The following ZNF267 variants were observed in gnomAD, a reference collection of about 807,000 sequenced individuals.
ZNF267 encodes the protein zinc finger (C2H2).
Under a neutral mutation model 71.6 loss-of-function variants are expected in ZNF267, and 61 were observed. That is an observed-to-expected ratio of 0.85 (90% CI 0.69 to 1.05). The LOEUF is 1.05. Among genes scored for constraint, ZNF267 ranks in the 50% least tolerant of loss-of-function variants. ZNF267 has a pLI of 0.00. For synonymous variants in ZNF267, 288 were observed against 293.2 expected (o/e 0.98, Z 0.18); for missense variants, 852 against 870.0 (o/e 0.98, Z 0.26).
intron 1 of ZNF267, among the ~76,000 whole-genome samples, chr16:31,879,922 C>T (rs1186322058): frequency 2.6e-5 from 4 of 152,196 alleles, no homozygotes; most frequent in Non-Finnish European, 4.4e-5. Flanking sequence ...CACTTCCCTG[C>T]GCCACCAGCA....
At chr16:31,911,779 T>C (rs1358247073) in intron 3 of ZNF267, 1 of 151,494 alleles carries the variant, frequency 6.6e-6, no homozygotes, top group South Asian at 2.1e-4. Flanking sequence ...TTTTTCTTGG[T>C]GGTATGATTT....
chr16:31,876,466 G>A (rs1394400841), intron 1 of ZNF267, among the ~76,000 whole-genome samples: 2 of 152,134 alleles, frequency 1.3e-5, no homozygotes, highest in African/African-American at 2.4e-5. Flanking sequence ...TGATCCTCCC[G>A]CCTTGGCCTC....
intron 1 of ZNF267, among the ~76,000 whole-genome samples, chr16:31,878,903 C>T (rs2083871272): frequency 6.6e-6 from 1 of 152,152 alleles, no homozygotes; most frequent in Non-Finnish European, 1.5e-5. Flanking sequence ...ATTAGAAATA[C>T]AAGACTTAAT....
intron 3 of ZNF267, chr16:31,894,758 TC>T (rs2142343926): frequency 2.0e-6 from 1 of 493,896 alleles, no homozygotes; most frequent in African/African-American, 2.0e-5. Flanking sequence ...CTTTCTGCTT[TC>T]ATTTTTCAGC....
Position 31,915,421 on chromosome 16 carries a change from G to T in ZNF267, c.1172G>T (p.Arg391Leu), listed in dbSNP as rs756624714. 6.2e-7 allele frequency: 1 copy of T among 1,613,482 alleles called. No homozygotes were observed. Among genetic ancestry groups the T allele is most frequent in the Non-Finnish European group, 8.5e-7 (1 of 1,179,838 alleles). The change falls in exon 4 of 4, where the codon CGT becomes CTT. Residue 391 changes from arginine (R) to leucine (L), a missense_variant. Coordinates refer to ENST00000300870, the MANE Select transcript of ZNF267 (RefSeq NM_003414.6). ...KCKACSKSFT[R>L]SSNLIVHQRI... Reference sequence around the variant, plus strand: ...AAAGCATGTAGCAAATCTTTTACTCGTTCCTCCAATCTTATTGTGCATCAG... The same window carrying T: ...AAAGCATGTAGCAAATCTTTTACTCTTTCCTCCAATCTTATTGTGCATCAG...
chr16:31,916,117 G>T lies in ZNF267; in HGVS notation c.1868G>T (p.Arg623Leu). 2 of 1,613,792 alleles carry T rather than the reference G, an allele frequency of 1.2e-6. No individual in the cohort carries two copies. Among genetic ancestry groups the T allele is most frequent in the Non-Finnish European group, 1.7e-6 (2 of 1,179,938 alleles). The stretch of plus-strand genomic sequence containing the variant: ...TATAGTTCAGATGTTATTCAGCATC[G>T]GAGAATTCATACTGGCCAGAGACCC... Reference protein sequence around the residue: ...FSYSSDVIQHRRIHTGQRPYK... With the variant: ...FSYSSDVIQHLRIHTGQRPYK... The change falls in exon 4 of 4, where the codon CGG becomes CTG. Residue 623 changes from arginine to leucine, a missense_variant. Arg to Leu is a moderately radical substitution (Grantham distance 102, BLOSUM62 -2). Transcript: ENST00000300870.
intron 3 of ZNF267, among the ~76,000 whole-genome samples, chr16:31,911,211 G>T (rs1417434949): frequency 6.6e-6 from 1 of 151,642 alleles, no homozygotes; most frequent in Non-Finnish European, 1.5e-5. Flanking sequence ...TTATAGCACA[G>T]ATTAAGTCTG....
Position 31,906,754 on chromosome 16 carries a change from G to A in ZNF267, c.227-7722G>A, listed in dbSNP as rs1187046639. 2.6e-5 allele frequency among the ~76,000 whole-genome samples: 4 copies of A among 151,864 alleles called. No homozygotes were observed. In the East Asian group the frequency reaches 5.9e-4, roughly 22 times the overall value. The stretch of plus-strand genomic sequence containing the variant: ...GTGAGGCAGTGCCTCACCCTGCTTC[G>A]GCTCACGCACGGTGGGCTGCACCCA... On this transcript the variant is annotated intron_variant, in intron 3 of 3. Transcript: ENST00000300870.
intron 3 of ZNF267, among the ~76,000 whole-genome samples, chr16:31,896,994 C>T (rs1012102982): frequency 6.6e-6 from 1 of 151,764 alleles, no homozygotes; most frequent in East Asian, 1.9e-4. Context: ...TTCTTAGTTA[C>T]GTTCATTGCT....
At chr16:31,889,558 T>C (rs1265874105) in intron 3 of ZNF267, among the ~76,000 whole-genome samples, 1 of 152,242 alleles carries the variant, frequency 6.6e-6, no homozygotes, top group East Asian at 1.9e-4. Context: ...TGTATTAGTC[T>C]ATTCTATAAA....
At chr16:31,883,927 T>A (rs1389718846) in intron 1 of ZNF267, among the ~76,000 whole-genome samples, 2 of 152,212 alleles carry the variant, frequency 1.3e-5, no homozygotes, top group Non-Finnish European at 2.9e-5. Context: ...TAGCCTTAGC[T>A]ACTCAGGAGG....
chr16:31,915,115 A>G lies in ZNF267; in HGVS notation c.866A>G (p.His289Arg), dbSNP rs377087087. The change falls in exon 4 of 4, where the codon CAT (histidine) becomes CGT (arginine). Residue 289 changes from histidine to arginine, a missense_variant. Transcript: ENST00000300870. ...AAACATATTCAACATCAGACCATCC[A>G]TATCAGAGAAAACTCATATAGCTAT... ...SLKHIQHQTI[H>R]IRENSYSYNK... is the part of the protein sequence containing the mutation. The G allele has an allele frequency of 4.3e-6, 7 of 1,613,522 alleles. No individual in the cohort carries two copies. Among genetic ancestry groups the G allele is most frequent in the African/African-American group, 4.0e-5 (3 of 74,920 alleles).
chr16:31,889,028 G>A (rs886423443), intron 3 of ZNF267, among the ~76,000 whole-genome samples: 5 of 151,468 alleles, frequency 3.3e-5, no homozygotes, highest in Admixed American at 2.6e-4. Flanking sequence ...ACAGTGTGGT[G>A]TTCTTTCTAA....
intron 3 of ZNF267, chr16:31,912,736 A>G (rs985391826): frequency 6.6e-6 from 1 of 151,634 alleles, no homozygotes; most frequent in Non-Finnish European, 1.5e-5. Context: ...ACATATTTTC[A>G]AATTGCCTAT....
At chr16:31,884,838 G>A (rs1429745213) in intron 2 of ZNF267, among the ~76,000 whole-genome samples, 2 of 152,110 alleles carry the variant, frequency 1.3e-5, no homozygotes, top group Non-Finnish European at 2.9e-5. Context: ...CACTCTAGTC[G>A]TGATTCTAGA....
intron 3 of ZNF267, among the ~76,000 whole-genome samples, chr16:31,903,125 CA>C (rs1338364811): frequency 2.0e-5 from 3 of 152,184 alleles, no homozygotes; most frequent in Non-Finnish European, 4.4e-5. Flanking sequence ...CCTTGCATCC[CA>C]GGGATGAAGT....
intron 3 of ZNF267, among the ~76,000 whole-genome samples, chr16:31,907,630 T>C (rs2084102027): frequency 6.6e-6 from 1 of 152,218 alleles, no homozygotes; most frequent in Admixed American, 6.5e-5. Flanking sequence ...TAGCCAGTTA[T>C]GTGGCTCATG....
chr16:31,880,995 C>T (rs983409264), intron 1 of ZNF267, among the ~76,000 whole-genome samples: 3 of 152,196 alleles, frequency 2.0e-5, no homozygotes, highest in African/African-American at 2.4e-5. Flanking sequence ...ATTTGGGACA[C>T]TGCCCTTATG....
chr16:31,897,600 A>C (rs972009031), intron 3 of ZNF267, among the ~76,000 whole-genome samples: 1 of 152,016 alleles, frequency 6.6e-6, no homozygotes, highest in African/African-American at 2.4e-5. Flanking sequence ...AATTCCATAG[A>C]TATTTTAGAA....
Sources: allele counts gnomAD v4.1 joint callset (sites outside exome capture counted in the v4.1 genomes callset), GRCh38; gene constraint gnomAD v4.1.1; transcripts MANE v1.5; gene names NCBI Gene and HGNC (gene_info 2026-07-23, HGNC 2026-07-21).